The following CAMK4 variants were observed in gnomAD, a reference collection of about 807,000 sequenced individuals.
CAMK4 encodes calcium/calmodulin dependent protein kinase IV, also known as calcium/calmodulin-dependent protein kinase type IV.
In CAMK4, 22 loss-of-function variants were observed where a neutral mutation model predicts 44.9. That is an observed-to-expected ratio of 0.49 (90% confidence interval 0.35 to 0.70). The LOEUF is 0.70. Among genes scored for constraint, CAMK4 ranks in the 30% least tolerant of loss-of-function variants. The probability of loss-of-function intolerance (pLI) is 0.01; values close to 1 mark genes in which losing one functional copy is unlikely to be tolerated. For missense variants in CAMK4, 498 were observed against 586.8 expected (o/e 0.85, Z 1.56); for synonymous variants, 218 against 215.4 (o/e 1.01, Z -0.11).
chr5:111,429,180 A>G (rs762623266), intron 5 of CAMK4, among the ~76,000 whole-genome samples: 5 of 152,214 alleles, frequency 3.3e-5, no homozygotes, highest in Non-Finnish European at 5.9e-5. Context: ...AAAAAGTGCA[A>G]AAGATCAGTG....
intron 1 of CAMK4, among the ~76,000 whole-genome samples, chr5:111,268,700 A>T (rs1284121255): frequency 6.6e-6 from 1 of 152,220 alleles, no homozygotes; most frequent in Non-Finnish European, 1.5e-5. Context: ...ATGTAATATA[A>T]TAGCTGAGAA....
chr5:111,250,528 G>GA (rs1311634034), intron 1 of CAMK4, among the ~76,000 whole-genome samples: 2 of 152,200 alleles, frequency 1.3e-5, no homozygotes, highest in Non-Finnish European at 2.9e-5. Flanking sequence ...TGTATTTCTA[G>GA]AAGAATGCTG....
At chr5:111,431,588 A>G (rs1753444845) in intron 5 of CAMK4, among the ~76,000 whole-genome samples, 1 of 152,200 alleles carries the variant, frequency 6.6e-6, no homozygotes, top group Non-Finnish European at 1.5e-5. Context: ...ACAGAATGGG[A>G]GAAAATATTT....
At chr5:111,435,478 G>T (rs1753613187) in intron 5 of CAMK4, among the ~76,000 whole-genome samples, 3 of 151,972 alleles carry the variant, frequency 2.0e-5, no homozygotes. Context: ...TCACCTCTTT[G>T]CCTGAGGATG....
intron 5 of CAMK4, among the ~76,000 whole-genome samples, chr5:111,436,138 T>G (rs1753637909): frequency 6.6e-6 from 1 of 152,216 alleles, no homozygotes; most frequent in African/African-American, 2.4e-5. Flanking sequence ...CATTAAAATC[T>G]TAATTGAGTA....
intron 1 of CAMK4, among the ~76,000 whole-genome samples, chr5:111,288,401 A>ATTATACCTAT: frequency 6.6e-6 from 1 of 152,338 alleles, no homozygotes; most frequent in African/African-American, 2.4e-5. Context: ...TATCAAAGAA[A>ATTATACCTAT]TTATACCTAT....
intron 5 of CAMK4, among the ~76,000 whole-genome samples, chr5:111,438,169 G>A (rs10056310): frequency 0.093 from 14,175 of 152,158 alleles, 1,022 homozygotes; most frequent in African/African-American, 0.2. Flanking sequence ...AAGAGGGCAG[G>A]GAGGTCGAGA....
intron 5 of CAMK4, among the ~76,000 whole-genome samples, chr5:111,434,704 G>T (rs1753586844): frequency 6.6e-6 from 1 of 152,250 alleles, no homozygotes; most frequent in East Asian, 1.9e-4. Flanking sequence ...GTACCTACTA[G>T]GTCTCCAAAG....
At chr5:111,279,385 C>T (rs1334760483) in intron 1 of CAMK4, among the ~76,000 whole-genome samples, 4 of 152,130 alleles carry the variant, frequency 2.6e-5, no homozygotes, top group African/African-American at 9.7e-5. Flanking sequence ...TCTCAGCTGT[C>T]TCTGTCAGTC....
At chr5:111,469,499 T>A (rs1561507661) in intron 7 of CAMK4, among the ~76,000 whole-genome samples, 1 of 152,128 alleles carries the variant, frequency 6.6e-6, no homozygotes, top group African/African-American at 2.4e-5. Flanking sequence ...GAACTTGCCA[T>A]GTCAGGTATG....
At chr5:111,364,410 A>G (rs974739583) in intron 2 of CAMK4, among the ~76,000 whole-genome samples, 2 of 152,134 alleles carry the variant, frequency 1.3e-5, no homozygotes, top group Admixed American at 1.3e-4. Context: ...AACTTTGTTT[A>G]GCTTGTTATA....
intron 1 of CAMK4, among the ~76,000 whole-genome samples, chr5:111,289,470 T>C (rs769867675): frequency 1.3e-5 from 2 of 152,236 alleles, no homozygotes; most frequent in Non-Finnish European, 2.9e-5. Context: ...AAGTAACCCC[T>C]TCAGTGTAGT....
At chr5:111,314,495 A>G (rs1223601971) in intron 1 of CAMK4, among the ~76,000 whole-genome samples, 2 of 152,092 alleles carry the variant, frequency 1.3e-5, no homozygotes, top group African/African-American at 4.8e-5. Context: ...TAATTAACTA[A>G]TAAATTTAAC....
chr5:111,322,267 G>A (rs922234881), intron 1 of CAMK4, among the ~76,000 whole-genome samples: 2 of 152,072 alleles, frequency 1.3e-5, no homozygotes, highest in South Asian at 2.1e-4. Flanking sequence ...TTGAGGGTAG[G>A]TAGGCATGTA....
chr5:111,317,325 T>C (rs530425693), intron 1 of CAMK4, among the ~76,000 whole-genome samples: 21 of 152,132 alleles, frequency 1.4e-4, no homozygotes, highest in Non-Finnish European at 2.6e-4. Flanking sequence ...GTTAGATCTA[T>C]ATAGTGAACT....
chr5:111,249,600 T>G (rs1749389271), intron 1 of CAMK4, among the ~76,000 whole-genome samples: 1 of 150,906 alleles, frequency 6.6e-6, no homozygotes, highest in African/African-American at 2.4e-5. Flanking sequence ...TACTATTCAT[T>G]TTATTCTTGG....
At chr5:111,254,509 T>C (rs1418573370) in intron 1 of CAMK4, among the ~76,000 whole-genome samples, 1 of 152,210 alleles carries the variant, frequency 6.6e-6, no homozygotes, top group African/African-American at 2.4e-5. Flanking sequence ...CAGAAACTAA[T>C]ATTAATATCA....
chr5:111,345,490 A>G (rs1368375603), intron 2 of CAMK4, among the ~76,000 whole-genome samples: 2 of 151,986 alleles, frequency 1.3e-5, no homozygotes, highest in Non-Finnish European at 2.9e-5. Flanking sequence ...GTATGAAAAT[A>G]AAACGGCATA....
intron 5 of CAMK4, among the ~76,000 whole-genome samples, chr5:111,439,990 G>A (rs773062176): frequency 6.6e-6 from 1 of 152,200 alleles, no homozygotes; most frequent in Admixed American, 6.5e-5. Flanking sequence ...AAACAAAAAT[G>A]AAGGGAGACT....
Sources: allele counts gnomAD v4.1 joint callset (sites outside exome capture counted in the v4.1 genomes callset), GRCh38; gene constraint gnomAD v4.1.1; transcripts MANE v1.5; gene names NCBI Gene and HGNC (gene_info 2026-07-23, HGNC 2026-07-21).